The following SOX17 variants were observed in gnomAD, a reference collection of about 807,000 sequenced individuals.
SOX17 encodes the protein transcription factor SOX-17.
Under a neutral mutation model 16.0 loss-of-function variants are expected in SOX17, and 4 were observed. The ratio of observed to expected loss-of-function variants is 0.25; its 90% CI spans 0.12 to 0.57. The LOEUF is 0.57. SOX17 is among the 20% of genes least tolerant of loss of function. SOX17 has a pLI of 0.92. For missense variants in SOX17, 633 were observed against 609.7 expected (o/e 1.04, Z -0.40); for synonymous variants, 357 against 284.6 (o/e 1.25, Z -2.56).
In SOX17 at chr8:54,459,395, C is replaced by G; in HGVS notation, c.645C>G (p.Asp215Glu). 6.4e-7 allele frequency: 1 copy of G among 1,555,440 alleles called. No homozygotes were observed. Among genetic ancestry groups the G allele is most frequent in the Non-Finnish European group, 8.6e-7 (1 of 1,161,188 alleles). ...DCQSLGAPPL[D>E]GYPLPTPDTS... ...AGAGTCTGGGCGCGCCTCCGCTCGA[C>G]GGCTACCCGTTGCCCACGCCCGACA... The change falls in exon 2 of 2, where the codon GAC becomes GAG. Residue 215 changes from aspartate (D) to glutamate (E), a missense_variant. Asp to Glu is a conservative substitution (Grantham distance 45, BLOSUM62 2). This residue lies in a region of SOX17 where 479 missense variants were observed against 397.2 expected (regional missense o/e 1.21). Transcript: ENST00000297316.
rs751001054 is a variant in SOX17 at position 54,458,435 on chromosome 8, C to T, written c.297C>T (p.Ser99=). ...QNPDLHNAEL[S]KMLGKSWKAL... ...CAGACCTGCACAACGCCGAGTTGAG[C>T]AAGATGCTGGGTGAGTCCGAGTCGC... is the stretch of plus-strand genomic sequence containing the variant. The change falls in exon 1 of 2, where the codon AGC becomes AGT. Residue 99 remains serine (S), a synonymous_variant. Coordinates refer to ENST00000297316, the MANE Select transcript of SOX17 (RefSeq NM_022454.4). 12 of 1,612,836 alleles carry T rather than the reference C, an allele frequency of 7.4e-6. No homozygotes were observed. The East Asian group carries it at 2.2e-4, about 30-fold the overall frequency.
In SOX17 at chr8:54,459,107, G is replaced by A. The variant is rs1804688118; in HGVS notation, c.357G>A (p.Glu119=). 1.9e-6 allele frequency: 3 copies of A among 1,609,228 alleles called. No homozygotes were observed. Among genetic ancestry groups the A allele is most frequent in the Middle Eastern group, 1.7e-4 (1 of 6,048 alleles). The part of the protein sequence containing the change: ...LTLAEKRPFV[E]EAERLRVQHM... The stretch of plus-strand genomic sequence containing the variant: ...TGGCGGAGAAGCGGCCCTTCGTGGA[G>A]GAGGCAGAGCGGCTGCGCGTGCAGC... The change falls in exon 2 of 2, where the codon GAG becomes GAA. Residue 119 remains glutamate, a synonymous_variant. Transcript: ENST00000297316.
chr8:54,458,909 A>C, intron 1 of SOX17, 149 bp from the exon 2 acceptor site: 1 of 677,100 alleles, frequency 1.5e-6, no homozygotes, highest in Non-Finnish European at 2.4e-6. Flanking sequence ...CGGACTCAGG[A>C]GTCCCAGATC....
In SOX17 at chr8:54,458,213, C is replaced by T. The variant is rs1389613802; in HGVS notation, c.75C>T (p.Ala25=). The T allele has an allele frequency of 2.5e-6, 4 of 1,593,532 alleles. No homozygotes were observed. The highest frequency in any genetic ancestry group is 3.5e-5 in the Admixed American group (2 of 57,312). Residue 25 remains alanine, a synonymous_variant, in exon 1 of 2, where the codon GCC becomes GCT. Coordinates refer to ENST00000297316, the MANE Select transcript of SOX17 (RefSeq NM_022454.4). The stretch of plus-strand genomic sequence containing the variant: ...AGAGCGCGCTGCCCGCGGTGATGGC[C>T]GGGCTGGGCCCCTGCCCCTGGGCCG... ...QTQSALPAVM[A]GLGPCPWAES...
Position 54,460,561 on chromosome 8 carries a change from AAAAG to A in SOX17, c.*570_*573del, listed in dbSNP as rs1475517026. The stretch of plus-strand genomic sequence containing the variant: ...TTGATGTAATTGTTTCAGGAAGGAA[AAAAG>A]AAAAGCATTCTGGAATGAGCCTACT... On this transcript the variant is annotated 3_prime_UTR_variant, in exon 2 of 2. Coordinates refer to ENST00000297316, the MANE Select transcript of SOX17 (RefSeq NM_022454.4). 1.3e-5 allele frequency: 3 copies of A among 234,666 alleles called. No homozygotes were observed. The highest frequency in any genetic ancestry group is 5.5e-5 in the Admixed American group (1 of 18,162). 14.5% of individuals were successfully genotyped at this position (234,666 alleles called of 1,614,324 possible).
At position 54,460,485 on chromosome 8, in the gene SOX17, A is replaced by G. The variant is rs763029312; in HGVS notation, c.*490A>G. The stretch of plus-strand genomic sequence containing the variant: ...TTTCTCATCCTCGAAAAGGGTGAAC[A>G]TAAATGCCTTTAAGGAGTATATCTA... On this transcript the variant is annotated 3_prime_UTR_variant, in exon 2 of 2. Transcript: ENST00000297316. The G allele has an allele frequency of 4.0e-6, 1 of 252,766 alleles. No homozygotes were observed. Among genetic ancestry groups the G allele is most frequent in the South Asian group, 1.3e-4 (1 of 7,748 alleles). The allele number at this position is 252,766 out of a possible 1,614,324, so 15.7% of individuals were successfully genotyped here.
intron 1 of SOX17, 152 bp downstream of exon 1, chr8:54,458,597 C>T (rs1322113458): frequency 9.6e-6 from 9 of 941,066 alleles, no homozygotes; most frequent in African/African-American, 3.3e-5. Flanking sequence ...GGGTTCCCTT[C>T]CCGCTTCCCG....
Position 54,459,676 on chromosome 8 carries a change from G to A in SOX17, c.926G>A (p.Arg309His). The change falls in exon 2 of 2, where the codon CGC becomes CAC. Residue 309 changes from arginine (R) to histidine (H), a missense_variant. Physicochemically the swap from Arg to His is conservative, Grantham distance 29. Around this residue, in one of 5 missense-constraint regions of SOX17, gnomAD observed 479 missense variants for 397.2 expected, o/e 1.21. Transcript: ENST00000297316. ...GGCTCGCCCGGGGCGGGCGGCGGGCGCGGCTTCCAGATGCAGCCGCAACAC... is the reference window on the plus strand; with the variant it reads ...GGCTCGCCCGGGGCGGGCGGCGGGCACGGCTTCCAGATGCAGCCGCAACAC... ...AMGSPGAGGG[R>H]GFQMQPQHQH... The A allele has an allele frequency of 6.5e-7, 1 of 1,537,282 alleles. No homozygotes were observed. The highest frequency in any genetic ancestry group is 2.4e-5 in the East Asian group (1 of 40,828).
In SOX17 at chr8:54,460,585, C is replaced by T. The variant is rs1804726989; in HGVS notation, c.*590C>T. 8.6e-6 allele frequency: 2 copies of T among 233,684 alleles called. No individual in the cohort carries two copies. Among genetic ancestry groups the T allele is most frequent in the East Asian group, 1.2e-4 (2 of 16,374 alleles). The allele number at this position is 233,684 out of a possible 1,614,324, so 14.5% of individuals were successfully genotyped here. ...AAAAAGAAAAGCATTCTGGAATGAG[C>T]CTACTTCAAGTAATCTTAGTTTCTA... On this transcript the variant is annotated 3_prime_UTR_variant, in exon 2 of 2. Coordinates refer to ENST00000297316, the MANE Select transcript of SOX17 (RefSeq NM_022454.4).
chr8:54,458,177 G>C lies in SOX17; in HGVS notation c.39G>C (p.Gln13His). Residue 13 changes from glutamine to histidine, a missense_variant, in exon 1 of 2, where the codon CAG (glutamine) becomes CAC (histidine). By Grantham distance (24) the Gln-to-His change is conservative. This residue lies in a region of SOX17 where 94 missense variants were observed against 98.7 expected (regional missense o/e 0.95). Coordinates refer to ENST00000297316, the MANE Select transcript of SOX17 (RefSeq NM_022454.4). ...ATGCGGGATACGCCAGTGACGACCA[G>C]AGCCAGACCCAGAGCGCGCTGCCCG... Reference protein sequence around the residue: ...SPDAGYASDDQSQTQSALPAV... With the variant: ...SPDAGYASDDHSQTQSALPAV... 1 of 1,586,472 alleles carries C rather than the reference G, an allele frequency of 6.3e-7. No homozygotes were observed. Among genetic ancestry groups the C allele is most frequent in the South Asian group, 1.1e-5 (1 of 88,336 alleles).
chr8:54,458,727 C>T (rs938794607), intron 1 of SOX17, among the ~76,000 whole-genome samples: 1 of 152,230 alleles, frequency 6.6e-6, no homozygotes, highest in Non-Finnish European at 1.5e-5. Context: ...CCGGGCGGCG[C>T]GAGAGCACCC....
At position 54,460,621 on chromosome 8, in the gene SOX17, T is replaced by G; in HGVS notation, c.*626T>G. The G allele has an allele frequency of 4.3e-6, 1 of 232,778 alleles. No homozygotes were observed. Among genetic ancestry groups the G allele is most frequent in the East Asian group, 6.1e-5 (1 of 16,314 alleles). The allele number at this position is 232,778 out of a possible 1,614,324, so 14.4% of individuals were successfully genotyped here. A position where few individuals can be genotyped will look rare whatever the true frequency, so the allele number is the denominator to read the frequency against. On this transcript the variant is annotated 3_prime_UTR_variant, in exon 2 of 2. Transcript: ENST00000297316. ...TAATCTTAGTTTCTAAAACTAACAG[T>G]TAATATTTTCAATTCCAGTATATCA...
Position 54,460,113 on chromosome 8 carries a change from G to C in SOX17, c.*118G>C, listed in dbSNP as rs1804718518. The C allele has an allele frequency of 9.5e-7, 1 of 1,054,306 alleles. No individual in the cohort carries two copies. The highest frequency in any genetic ancestry group is 1.6e-5 in the African/African-American group (1 of 63,956). The allele number at this position is 1,054,306 out of a possible 1,614,324, so 65.3% of individuals were successfully genotyped here. On this transcript the variant is annotated 3_prime_UTR_variant, in exon 2 of 2. Transcript: ENST00000297316. ...TTGTTGCTGTTGTTGTTTTTTAAAA[G>C]GTGTGTTGGCATATAATTTATGGTA...
At position 54,457,983 on chromosome 8, in the gene SOX17, C is replaced by A. The variant is rs957645734; in HGVS notation, c.-156C>A. 1 of 931,850 alleles carries A rather than the reference C, an allele frequency of 1.1e-6. No individual in the cohort carries two copies. The highest frequency in any genetic ancestry group is 1.5e-6 in the Non-Finnish European group (1 of 660,538). The allele number at this position is 931,850 out of a possible 1,614,324, so 57.7% of individuals were successfully genotyped here. A position where few individuals can be genotyped will look rare whatever the true frequency, so the allele number is the denominator to read the frequency against. On this transcript the variant is annotated 5_prime_UTR_variant, in exon 1 of 2. Transcript: ENST00000297316. ...GGCCCTGGGTACGCTGTAGACCAGACCGCGACAGGCCAGAACACGGGCGGC... is the reference window on the plus strand; with the variant it reads ...GGCCCTGGGTACGCTGTAGACCAGAACGCGACAGGCCAGAACACGGGCGGC...
Position 54,457,954 on chromosome 8 carries a change from TG to T in SOX17, c.-180del. On this transcript the variant is annotated 5_prime_UTR_variant, in exon 1 of 2. Transcript: ENST00000297316. ...GCGCCCGCAGTGTCACTAGGCCGGC[TG>T]GGGGCCCTGGGTACGCTGTAGACCA... 4 of 679,538 alleles carry T rather than the reference TG, an allele frequency of 5.9e-6. No individual in the cohort carries two copies. Among genetic ancestry groups the T allele is most frequent in the Non-Finnish European group, 9.0e-6 (4 of 444,986 alleles). The allele number at this position is 679,538 out of a possible 1,614,324, so 42.1% of individuals were successfully genotyped here.
Position 54,459,588 on chromosome 8 carries a change from G to A in SOX17, c.838G>A (p.Gly280Ser), listed in dbSNP as rs1286718293. Residue 280 changes from glycine (G) to serine (S), a missense_variant, in exon 2 of 2, where the codon GGT (glycine) becomes AGT (serine). Physicochemically the swap from Gly to Ser is moderately conservative, Grantham distance 56 (BLOSUM62 0). Transcript: ENST00000297316. ...CCCCCGACTCGGCCCAGAGCCCGCG[G>A]GTCCCTCGATTCCGGGCCTCCTGGC... Reference protein sequence around the residue: ...MHPRLGPEPAGPSIPGLLAPP... With the variant: ...MHPRLGPEPASPSIPGLLAPP... 5 of 1,539,928 alleles carry A rather than the reference G, an allele frequency of 3.2e-6. No homozygotes were observed. The highest frequency in any genetic ancestry group is 4.4e-6 in the Non-Finnish European group (5 of 1,149,002).
intron 1 of SOX17, 27 bp from the exon 2 acceptor site, chr8:54,459,031 C>T: frequency 1.3e-6 from 2 of 1,567,136 alleles, no homozygotes; most frequent in Non-Finnish European, 1.7e-6. Context: ...GCCCTGCGCC[C>T]CTCTCCCCCT....
rs1206093082 is a variant in SOX17 at position 54,459,856 on chromosome 8, T to C, written c.1106T>C (p.Phe369Ser). 2.5e-6 allele frequency: 4 copies of C among 1,613,750 alleles called. No homozygotes were observed. In the East Asian group the frequency reaches 6.7e-5, roughly 27 times the overall value. ...ACGGAATTTGAACAGTATCTGCACT[T>C]CGTGTGCAAGCCTGAGATGGGCCTC... ...DRTEFEQYLH[F>S]VCKPEMGLPY... The change falls in exon 2 of 2, where the codon TTC (phenylalanine) becomes TCC (serine). Residue 369 changes from phenylalanine (F) to serine (S), a missense_variant. By Grantham distance (155) the Phe-to-Ser change is radical (BLOSUM62 -2). Transcript: ENST00000297316.
chr8:54,458,559 T>A, intron 1 of SOX17, 114 bp downstream of exon 1: 1 of 1,286,642 alleles, frequency 7.8e-7, no homozygotes, highest in Non-Finnish European at 1.1e-6. Flanking sequence ...CAGGGGTGTG[T>A]AGCGGCCACG....
Sources: allele counts gnomAD v4.1 joint callset (sites outside exome capture counted in the v4.1 genomes callset), GRCh38; gene constraint gnomAD v4.1.1; regional missense constraint gnomAD v4.1.1; transcripts MANE v1.5; gene names NCBI Gene and HGNC (gene_info 2026-07-23, HGNC 2026-07-21).